RTP2: variants seen among roughly 807,000 people sequenced by gnomAD.
RTP2 encodes receptor-transporting protein 2.
In RTP2, 12 loss-of-function variants were observed where a neutral mutation model predicts 17.9. The observed-to-expected ratio is 0.67, with a 90% CI of 0.43 to 1.09. The LOEUF is 1.09. Ranked by LOEUF, RTP2 falls within the 50% of genes least tolerant of loss-of-function variation. The pLI, the probability that RTP2 is intolerant of heterozygous loss-of-function variation, is 0.00. For missense variants in RTP2, 327 were observed against 295.7 expected, an observed-to-expected ratio of 1.11 and a Z score of -0.78; for synonymous variants, 126 against 117.7, an observed-to-expected ratio of 1.07 and a Z score of -0.46.
the RTP2 span, among the ~76,000 whole-genome samples, chr3:187,712,525 G>A: frequency 6.6e-6 from 1 of 152,130 alleles, no homozygotes; most frequent in Non-Finnish European, 1.5e-5. Flanking sequence ...ATTGTTACAT[G>A]TAGAGGAACT....
At chr3:187,703,138 C>G (rs79202531), upstream of RTP2, among the ~76,000 whole-genome samples, 3 of 152,196 alleles carry the variant, frequency 2.0e-5, no homozygotes, top group Non-Finnish European at 4.4e-5. Context: ...AGTGAAGACA[C>G]GGTTACCTGA....
chr3:187,698,354 C>T (rs916828353), exon 2 of RTP2: 8 of 663,814 alleles, frequency 1.2e-5, no homozygotes, highest in African/African-American at 1.8e-5. Flanking sequence ...ATGCAATCCT[C>T]TCATTCCGCA....
chr3:187,702,330 G>A (rs1560137195), exon 1 of RTP2: 2 of 597,376 alleles, frequency 3.3e-6, no homozygotes, highest in East Asian at 3.0e-5. Context: ...TGAGGGCTGG[G>A]GAGAAGGGAA....
the RTP2 span, among the ~76,000 whole-genome samples, chr3:187,710,066 C>T: frequency 6.6e-6 from 1 of 152,088 alleles, no homozygotes; most frequent in Non-Finnish European, 1.5e-5. Context: ...GATGGCCCTC[C>T]CAACGTGGAT....
At chr3:187,702,094 T>G (rs1303676605) in exon 1 of RTP2, 11 of 1,612,846 alleles carry the variant, frequency 6.8e-6, no homozygotes, top group African/African-American at 1.3e-5. Flanking sequence ...ATAGAAGACT[T>G]TCTTCCACTC....
upstream of RTP2, among the ~76,000 whole-genome samples, chr3:187,705,060 A>T (rs530808298): frequency 1.5e-4 from 23 of 152,224 alleles, no homozygotes; most frequent in Admixed American, 6.5e-4. Context: ...ATATCTACTT[A>T]TCCTTTTTTC....
At chr3:187,708,489 G>A in the RTP2 span, among the ~76,000 whole-genome samples, 1 of 152,170 alleles carries the variant, frequency 6.6e-6, no homozygotes, top group Admixed American at 6.5e-5. Flanking sequence ...TGTCCAAGGG[G>A]ACCCATTGAT....
the RTP2 span, among the ~76,000 whole-genome samples, chr3:187,712,093 A>G: frequency 6.6e-6 from 1 of 152,150 alleles, no homozygotes; most frequent in East Asian, 1.9e-4. Context: ...TACACATACA[A>G]CAAAATTGCA....
chr3:187,702,464 T>C, exon 1 of RTP2: 1 of 485,534 alleles, frequency 2.1e-6, no homozygotes, highest in Non-Finnish European at 4.1e-6. Context: ...TCCAGAGGTC[T>C]CCAGGAGGCA....
chr3:187,707,386 G>A (rs1718019051), upstream of RTP2, among the ~76,000 whole-genome samples: 1 of 152,190 alleles, frequency 6.6e-6, no homozygotes, highest in Admixed American at 6.5e-5. Context: ...CATTGTCACA[G>A]CAGGTAGGGA....
upstream of RTP2, among the ~76,000 whole-genome samples, chr3:187,705,272 G>A (rs1489506069): frequency 6.6e-6 from 1 of 152,166 alleles, no homozygotes; most frequent in African/African-American, 2.4e-5. Flanking sequence ...AAGAGGCTGA[G>A]GGCCTTCATC....
the RTP2 span, among the ~76,000 whole-genome samples, chr3:187,712,086 A>G: frequency 0.15 from 23,525 of 152,124 alleles, 1,878 homozygotes; most frequent in South Asian, 0.25. Flanking sequence ...GTGAATCTAC[A>G]CATACAACAA....
At chr3:187,698,749 T>C in exon 2 of RTP2, 1 of 1,613,984 alleles carries the variant, frequency 6.2e-7, no homozygotes, top group Non-Finnish European at 8.5e-7. Context: ...TCCGGGCGGC[T>C]GGCCACGTGG....
chr3:187,707,712 G>T, the RTP2 span, among the ~76,000 whole-genome samples: 5 of 152,144 alleles, frequency 3.3e-5, no homozygotes, highest in Admixed American at 3.3e-4. Context: ...ATCGTTTTAG[G>T]CCTGAACTAC....
At chr3:187,713,468 G>A in the RTP2 span, among the ~76,000 whole-genome samples, 1 of 152,300 alleles carries the variant, frequency 6.6e-6, no homozygotes, top group East Asian at 1.9e-4. Context: ...TTATTGAAAC[G>A]AAAGTATACT....
chr3:187,704,428 G>T (rs754997273), upstream of RTP2, among the ~76,000 whole-genome samples: 2 of 152,158 alleles, frequency 1.3e-5, no homozygotes, highest in African/African-American at 4.8e-5. Context: ...CTGCTTCAGA[G>T]ATTTCAATAC....
upstream of RTP2, among the ~76,000 whole-genome samples, chr3:187,705,723 T>C (rs993802688): frequency 6.6e-6 from 1 of 152,170 alleles, no homozygotes; most frequent in Non-Finnish European, 1.5e-5. Flanking sequence ...AGAAAGGCTG[T>C]TTGGCCCCAA....
the RTP2 span, among the ~76,000 whole-genome samples, chr3:187,710,782 T>A: frequency 3.0e-3 from 452 of 152,262 alleles, 4 homozygotes; most frequent in African/African-American, 0.01. Context: ...GGTTTTCGAC[T>A]TGAGGATTCC....
upstream of RTP2, among the ~76,000 whole-genome samples, chr3:187,704,836 G>T (rs1321710689): frequency 6.6e-6 from 1 of 152,178 alleles, no homozygotes; most frequent in Non-Finnish European, 1.5e-5. Context: ...CTGAATCTCA[G>T]GGGAGGCCAC....
Sources: allele counts gnomAD v4.1 joint callset (sites outside exome capture counted in the v4.1 genomes callset), GRCh38; gene constraint gnomAD v4.1.1; transcripts MANE v1.5; gene names NCBI Gene and HGNC (gene_info 2026-07-23, HGNC 2026-07-21).